PDCD6: variants seen among roughly 807,000 people sequenced by gnomAD.
The protein encoded by PDCD6 is programmed cell death protein 6.
A neutral mutation model predicts 28.3 loss-of-function variants in PDCD6; 12 were observed. The ratio of observed to expected loss-of-function variants is 0.42; its 90% confidence interval spans 0.27 to 0.69. The LOEUF (loss-of-function observed/expected upper bound fraction) is 0.69, where lower values mean the gene tolerates loss of function less well. Among genes scored for constraint, PDCD6 ranks in the 30% least tolerant of loss-of-function variants. The pLI is 0.22. For missense variants in PDCD6, 226 were observed against 269.9 expected (o/e 0.84, Z 1.14); for synonymous variants, 92 against 108.0 (o/e 0.85, Z 0.92).
chr5:300,202 T>C (rs1044302866), intron 2 of PDCD6, among the ~76,000 whole-genome samples: 7 of 152,340 alleles, frequency 4.6e-5, no homozygotes, highest in African/African-American at 1.4e-4. Context: ...TGCACTACTT[T>C]GCCTGGGTAG....
Position 314,460 on chromosome 5 carries a change from G to A in PDCD6, c.521G>A (p.Gly174Asp). Residue 174 changes from glycine (G) to aspartate (D), a missense_variant, in exon 6 of 6, where the codon GGC becomes GAC. Around this residue, in one of 3 missense-constraint regions of PDCD6, gnomAD observed 151 missense variants for 177.2 expected, o/e 0.85. Transcript: ENST00000264933. ...IFRRYDTDQDGWIQVSYEQYL... is the reference protein window; with the variant it reads ...IFRRYDTDQDDWIQVSYEQYL... ...AGACGTTACGACACGGATCAGGACG[G>A]CTGGATTCAGGTGTCGTACGAACAG... The A allele has an allele frequency of 6.2e-7, 1 of 1,613,880 alleles. No individual in the cohort carries two copies. The highest frequency in any genetic ancestry group is 1.1e-5 in the South Asian group (1 of 91,090).
At chr5:302,651 CA>C (rs1740175188) in intron 2 of PDCD6, among the ~76,000 whole-genome samples, 1 of 146,344 alleles carries the variant, frequency 6.8e-6, no homozygotes, top group African/African-American at 2.6e-5. Flanking sequence ...GGGAAGAGCA[CA>C]GCTTCCCCGC....
chr5:287,286 G>A (rs1385730114), intron 2 of PDCD6, among the ~76,000 whole-genome samples: 1 of 152,152 alleles, frequency 6.6e-6, no homozygotes, highest in Non-Finnish European at 1.5e-5. Flanking sequence ...GTTTAAGTCT[G>A]AAGTTCGTGG....
chr5:272,940 C>T, intron 2 of PDCD6, 168 bp downstream of exon 2: 1 of 1,284,290 alleles, frequency 7.8e-7, no homozygotes, highest in Non-Finnish European at 1.1e-6. Flanking sequence ...TTGTGGCTAC[C>T]GCTGTTACTG....
intron 2 of PDCD6, among the ~76,000 whole-genome samples, chr5:286,562 G>A (rs1276660100): frequency 6.6e-6 from 1 of 152,044 alleles, no homozygotes; most frequent in Admixed American, 6.5e-5. Flanking sequence ...GGAGACCCGT[G>A]GGGGAGCTGA....
chr5:299,829 GCC>G (rs1561045114), intron 2 of PDCD6, among the ~76,000 whole-genome samples: 11 of 151,782 alleles, frequency 7.2e-5, no homozygotes, highest in African/African-American at 1.9e-4. Flanking sequence ...GATTACAGGC[GCC>G]AGCCACCGCG....
chr5:294,985 G>A (rs1579514469), intron 2 of PDCD6, among the ~76,000 whole-genome samples: 1 of 152,132 alleles, frequency 6.6e-6, no homozygotes, highest in South Asian at 2.1e-4. Context: ...TACCGTGTTG[G>A]GGAGCAGGGC....
intron 2 of PDCD6, among the ~76,000 whole-genome samples, chr5:301,164 C>A (rs757055055): frequency 2.6e-5 from 4 of 152,190 alleles, no homozygotes; most frequent in Admixed American, 6.5e-5. Context: ...CACAGTCAAT[C>A]CAGGGCCACG....
chr5:294,931 A>G (rs1488517105), intron 2 of PDCD6, among the ~76,000 whole-genome samples: 1 of 152,160 alleles, frequency 6.6e-6, no homozygotes, highest in Non-Finnish European at 1.5e-5. Context: ...CGGTGCGCAC[A>G]GGCCGAGGGA....
chr5:289,000 C>T (rs1226536492), intron 2 of PDCD6: 23 of 1,242,362 alleles, frequency 1.9e-5, no homozygotes, highest in Admixed American at 3.4e-5. Context: ...TCATTACCTT[C>T]GGAATGTAGT....
intron 2 of PDCD6, among the ~76,000 whole-genome samples, chr5:275,852 C>T (rs1026271181): frequency 1.1e-4 from 16 of 152,334 alleles, no homozygotes; most frequent in African/African-American, 3.8e-4. Flanking sequence ...GTTTGCTCCT[C>T]ACATGTGAGC....
At position 303,922 on chromosome 5, in the gene PDCD6, G is replaced by A. The variant is rs142367123; in HGVS notation, c.164-255G>A. Among the ~76,000 whole-genome samples, 21 of 151,548 alleles carry A rather than the reference G, an allele frequency of 1.4e-4. No homozygotes were observed. In the East Asian group the frequency reaches 2.3e-3, roughly 17 times the overall value. ...GTTAAATAAGAGTGCATGTCCAGCC[G>A]CGATGACTGTGGACGGCCTTGGAGG... On this transcript the variant is annotated intron_variant, in intron 2 of 5. Transcript: ENST00000264933.
chr5:294,120 A>G (rs1054213246), intron 2 of PDCD6, among the ~76,000 whole-genome samples: 2 of 151,376 alleles, frequency 1.3e-5, no homozygotes, highest in Non-Finnish European at 2.9e-5. Context: ...ACACAGGAAA[A>G]TTTGTATGGC....
intron 3 of PDCD6, chr5:306,355 TG>T: frequency 2.2e-6 from 1 of 460,030 alleles, no homozygotes; most frequent in Non-Finnish European, 4.0e-6. Context: ...CAGCTGCAAG[TG>T]CACCTTCTCC....
chr5:290,332 A>G lies in PDCD6; in HGVS notation c.164-13845A>G, dbSNP rs986226396. 11 of 1,211,456 alleles carry G rather than the reference A, an allele frequency of 9.1e-6. No individual in the cohort carries two copies. In the African/African-American group the frequency reaches 1.0e-4, roughly 11 times the overall value. The allele number at this position is 1,211,456 out of a possible 1,614,324, so 75.0% of individuals were successfully genotyped here. On this transcript the variant is annotated intron_variant, in intron 2 of 5. Coordinates refer to ENST00000264933, the MANE Select transcript of PDCD6 (RefSeq NM_013232.4). ...ACTCTCAACGTCCATGGCTTCCTGGAGTCCCTCACAGCCTCCGCCTCCCTC... is the reference window on the plus strand; with the variant it reads ...ACTCTCAACGTCCATGGCTTCCTGGGGTCCCTCACAGCCTCCGCCTCCCTC...
intron 2 of PDCD6, among the ~76,000 whole-genome samples, chr5:291,764 C>T (rs763298020): frequency 2.0e-5 from 3 of 152,204 alleles, no homozygotes; most frequent in Non-Finnish European, 4.4e-5. Flanking sequence ...GATCTCCCAT[C>T]GTCTGAGGGG....
chr5:302,968 T>C (rs1740203280), intron 2 of PDCD6, among the ~76,000 whole-genome samples: 2 of 152,220 alleles, frequency 1.3e-5, no homozygotes, highest in African/African-American at 4.8e-5. Flanking sequence ...GGCGGGATCT[T>C]CCCAAGGGGA....
chr5:280,824 T>C (rs573752851), intron 2 of PDCD6, among the ~76,000 whole-genome samples: 2 of 150,936 alleles, frequency 1.3e-5, no homozygotes, highest in African/African-American at 4.9e-5. Flanking sequence ...AGCTGGCATT[T>C]AAGAGGGGAG....
intron 1 of PDCD6, 67 bp from the exon 2 acceptor site, chr5:272,642 CAG>C: frequency 6.5e-7 from 1 of 1,532,886 alleles, no homozygotes; most frequent in South Asian, 1.2e-5. Context: ...GCAGGGTTGA[CAG>C]AAGACGTTTG....
Sources: allele counts gnomAD v4.1 joint callset (sites outside exome capture counted in the v4.1 genomes callset), GRCh38; gene constraint gnomAD v4.1.1; regional missense constraint gnomAD v4.1.1; transcripts MANE v1.5; gene names NCBI Gene and HGNC (gene_info 2026-07-23, HGNC 2026-07-21).